ANXA4: variants seen among roughly 807,000 people sequenced by gnomAD.
ANXA4 encodes 35-beta calcimedin.
ANXA4 carries 39 observed loss-of-function variants against 49.8 expected under a neutral mutation model. The observed-to-expected ratio is 0.78, with a 90% confidence interval of 0.61 to 1.02. The LOEUF (loss-of-function observed/expected upper bound fraction) is 1.02, where lower values mean the gene tolerates loss of function less well. ANXA4 is among the 50% of genes least tolerant of loss of function. The pLI, the probability that ANXA4 is intolerant of heterozygous loss-of-function variation, is 0.00. For synonymous variants in ANXA4, 134 were observed against 152.5 expected, an observed-to-expected ratio of 0.88 and a Z score of 0.89; for missense variants, 360 against 410.1, an observed-to-expected ratio of 0.88 and a Z score of 1.05.
intron 2 of ANXA4, among the ~76,000 whole-genome samples, chr2:69,679,265 T>C (rs1415725018): frequency 6.9e-6 from 1 of 145,878 alleles, no homozygotes; most frequent in African/African-American, 2.5e-5. Flanking sequence ...GCCTCCCAAG[T>C]AGATGGACCA....
intron 7 of ANXA4, among the ~76,000 whole-genome samples, chr2:69,812,102 C>T (rs1010367386): frequency 3.5e-4 from 52 of 150,244 alleles, no homozygotes; most frequent in African/African-American, 1.3e-3. Flanking sequence ...CGACTCTCCT[C>T]TGTTCCCAAC....
At chr2:69,763,426 C>G (rs981142208) in intron 1 of ANXA4, among the ~76,000 whole-genome samples, 41 of 151,892 alleles carry the variant, frequency 2.7e-4, no homozygotes, top group Non-Finnish European at 4.7e-4. Flanking sequence ...TTTTTCCCCA[C>G]GTGGGCAAAT....
chr2:69,745,091 C>T (rs560553051), intron 1 of ANXA4, among the ~76,000 whole-genome samples: 1 of 152,082 alleles, frequency 6.6e-6, no homozygotes, highest in East Asian at 1.9e-4. Context: ...GAGTGAGATC[C>T]TGTCTCTAAA....
At chr2:69,663,769 TAAG>T (rs1183658286) in intron 2 of ANXA4, among the ~76,000 whole-genome samples, 1 of 152,076 alleles carries the variant, frequency 6.6e-6, no homozygotes, top group Non-Finnish European at 1.5e-5. Context: ...AGTAGAATGT[TAAG>T]AAGATAAAGT....
intron 2 of ANXA4, among the ~76,000 whole-genome samples, chr2:69,674,921 T>TG (rs1425460209): frequency 2.0e-5 from 3 of 151,558 alleles, no homozygotes; most frequent in East Asian, 1.9e-4. Context: ...AACTGTTTTT[T>TG]TTTTTTTTTT....
At chr2:69,783,447 C>T (rs1672283950) in intron 2 of ANXA4, among the ~76,000 whole-genome samples, 1 of 152,142 alleles carries the variant, frequency 6.6e-6, no homozygotes, top group African/African-American at 2.4e-5. Flanking sequence ...GAACTCCTGA[C>T]CTCATGATCT....
intron 1 of ANXA4, among the ~76,000 whole-genome samples, chr2:69,763,267 G>A (rs1671368589): frequency 6.6e-6 from 1 of 152,168 alleles, no homozygotes. Flanking sequence ...TGACTTCGGG[G>A]CGCGGGAGGC....
At chr2:69,671,119 AG>A (rs1335207626) in intron 2 of ANXA4, among the ~76,000 whole-genome samples, 1 of 151,908 alleles carries the variant, frequency 6.6e-6, no homozygotes, top group East Asian at 1.9e-4. Flanking sequence ...TTAAATATTT[AG>A]ATAATAGAAT....
In ANXA4 at chr2:69,804,558, C is replaced by T. The variant is rs750529441; in HGVS notation, c.123C>T (p.Ser41=). ...GLGTDEDAII[S]VLAYRNTAQR... is the part of the protein sequence containing the mutation. ...GCACCGATGAAGACGCCATTATTAG[C>T]GTCCTTGCCTACCGCAACACCGCCC... The change falls in exon 4 of 13, where the codon AGC becomes AGT. Residue 41 remains serine (S), a synonymous_variant. Coordinates refer to ENST00000394295, the MANE Select transcript of ANXA4 (RefSeq NM_001153.5). 6.2e-6 allele frequency: 10 copies of T among 1,613,810 alleles called. No individual in the cohort carries two copies. The highest frequency in any genetic ancestry group is 2.2e-5 in the South Asian group (2 of 91,030).
intron 3 of ANXA4, among the ~76,000 whole-genome samples, chr2:69,804,329 A>C (rs1373386076): frequency 6.6e-6 from 1 of 152,194 alleles, no homozygotes; most frequent in Non-Finnish European, 1.5e-5. Flanking sequence ...CATTTTCTTC[A>C]GTAGTAAACA....
chr2:69,710,090 C>T (rs557081566), intron 2 of ANXA4, among the ~76,000 whole-genome samples: 3 of 149,072 alleles, frequency 2.0e-5, no homozygotes, highest in South Asian at 2.1e-4. Context: ...CAGGTTCAAG[C>T]GATTCTCCTG....
chr2:69,664,757 C>T (rs1227734986), intron 2 of ANXA4, among the ~76,000 whole-genome samples: 1 of 152,146 alleles, frequency 6.6e-6, no homozygotes, highest in Non-Finnish European at 1.5e-5. Flanking sequence ...GTCCTTTCCC[C>T]TTGAACCCAG....
At chr2:69,732,142 T>G (rs1670120486) in intron 3 of ANXA4, among the ~76,000 whole-genome samples, 1 of 151,712 alleles carries the variant, frequency 6.6e-6, no homozygotes. Context: ...CACGCCCGGC[T>G]AATTTTTTGT....
chr2:69,742,570 T>C (rs918519827), intron 1 of ANXA4, among the ~76,000 whole-genome samples: 1 of 152,244 alleles, frequency 6.6e-6, no homozygotes, highest in African/African-American at 2.4e-5. Context: ...TACTTTTTAA[T>C]TCTTTACTCC....
intron 2 of ANXA4, among the ~76,000 whole-genome samples, chr2:69,713,402 G>A (rs1678744374): frequency 6.6e-6 from 1 of 152,122 alleles, no homozygotes; most frequent in Non-Finnish European, 1.5e-5. Flanking sequence ...ATGTTCGGTG[G>A]TGTGCTGGTA....
At chr2:69,711,967 A>C (rs1678691138) in intron 2 of ANXA4, among the ~76,000 whole-genome samples, 1 of 152,052 alleles carries the variant, frequency 6.6e-6, no homozygotes, top group Non-Finnish European at 1.5e-5. Context: ...AGAAATTGAG[A>C]AAACAGTTTT....
Position 69,765,657 on chromosome 2 carries a change from A to G in ANXA4, c.-46-15863A>G, listed in dbSNP as rs72903095. ...GTTCGTTCTAGCGTTTCATGTAAATACTTTGTTTGGCTTCATTTAGCCAGA... is the reference window on the plus strand; with the variant it reads ...GTTCGTTCTAGCGTTTCATGTAAATGCTTTGTTTGGCTTCATTTAGCCAGA... On this transcript the variant is annotated intron_variant, in intron 1 of 12. Transcript: ENST00000394295. Among the ~76,000 whole-genome samples the G allele has an allele frequency of 5.5e-3, 832 of 152,268 alleles. 9 individuals are homozygous for G. The highest frequency in any genetic ancestry group is 0.019 in the African/African-American group (801 of 41,538).
At chr2:69,771,094 CA>C (rs1169928879) in intron 1 of ANXA4, among the ~76,000 whole-genome samples, 88 of 42,416 alleles carry the variant, frequency 2.1e-3, no homozygotes, top group East Asian at 6.2e-3. Flanking sequence ...ACCCTGTCTC[CA>C]AAAAAAAAAA....
At chr2:69,657,736 A>G (rs1452586265) in intron 2 of ANXA4, among the ~76,000 whole-genome samples, 2 of 152,196 alleles carry the variant, frequency 1.3e-5, no homozygotes, top group Non-Finnish European at 2.9e-5. Flanking sequence ...GGATTGATTT[A>G]TGCTACTTAT....
Sources: gnomAD v4.1 joint callset for allele counts (sites outside exome capture counted in the v4.1 genomes callset) on GRCh38, gnomAD v4.1.1 for gene constraint, MANE v1.5 for transcripts, NCBI Gene and HGNC (gene_info 2026-07-23, HGNC 2026-07-21) for gene names.